GCM1: variants seen among roughly 807,000 people sequenced by gnomAD.
GCM1 encodes chorion-specific transcription factor GCMa.
In GCM1, 2 loss-of-function variants were observed where a neutral mutation model predicts 25.7. That is an observed-to-expected ratio of 0.08 (90% CI 0.03 to 0.24). The LOEUF is 0.24. Among genes scored for constraint, GCM1 ranks in the 10% least tolerant of loss-of-function variants. The probability of loss-of-function intolerance (pLI) is 1.00; values close to 1 mark genes in which losing one functional copy is unlikely to be tolerated. For missense variants in GCM1, 395 were observed against 538.7 expected (o/e 0.73, Z 2.64); for synonymous variants, 183 against 195.7 (o/e 0.94, Z 0.54).
At chr6:53,143,252 A>G (rs760569249) in intron 2 of GCM1, among the ~76,000 whole-genome samples, 2 of 152,178 alleles carry the variant, frequency 1.3e-5, no homozygotes, top group African/African-American at 4.8e-5. Flanking sequence ...ATTTTTTGCT[A>G]TACATTTCTC....
chr6:53,131,081 C>A, intron 4 of GCM1, 150 bp from the exon 5 acceptor site: 1 of 697,038 alleles, frequency 1.4e-6, no homozygotes, highest in Non-Finnish European at 2.4e-6. Context: ...CCTCTGAAGG[C>A]GCTCCCAAGC....
At chr6:53,131,032 G>C in intron 4 of GCM1, 101 bp from the exon 5 acceptor site, 5 of 1,139,068 alleles carry the variant, frequency 4.4e-6, no homozygotes, top group Non-Finnish European at 6.4e-6. Context: ...TGCCCCGGGG[G>C]TGGTGTTGCA....
chr6:53,146,076 G>A (rs928190865), intron 1 of GCM1, among the ~76,000 whole-genome samples: 4 of 151,950 alleles, frequency 2.6e-5, no homozygotes, highest in Non-Finnish European at 5.9e-5. Context: ...GCTAGGGCAG[G>A]AGGATACTGG....
At chr6:53,136,338 C>T (rs1227494059) in intron 2 of GCM1, among the ~76,000 whole-genome samples, 1 of 152,218 alleles carries the variant, frequency 6.6e-6, no homozygotes, top group African/African-American at 2.4e-5. Flanking sequence ...TCTGAGATTG[C>T]TGGCTGTAAG....
At position 53,148,176 on chromosome 6, in the gene GCM1, C is replaced by T. The variant is rs542893336; in HGVS notation, c.-137+578G>A. On this transcript the variant is annotated intron_variant, in intron 1 of 5. Transcript: ENST00000259803. ...ACTCTAATTCAAAGGACTTAAATAACAGGTATAGAAGATGCAGATACCAAG... is the reference window on the plus strand; with the variant it reads ...ACTCTAATTCAAAGGACTTAAATAATAGGTATAGAAGATGCAGATACCAAG... Among the ~76,000 whole-genome samples the T allele has an allele frequency of 1.4e-3, 211 of 152,276 alleles. 1 individual carries two copies. The highest frequency in any genetic ancestry group is 5.0e-3 in the African/African-American group (206 of 41,562).
In GCM1 at chr6:53,128,059, A is replaced by G. The variant is rs1428907847; in HGVS notation, c.*147T>C. ...AAAAAAAAAAAAAAAAAAAAGAAGGAAAAAAGAAAAAGAAAAAAGCCTTGT... is the reference window on the plus strand; with the variant it reads ...AAAAAAAAAAAAAAAAAAAAGAAGGGAAAAAGAAAAAGAAAAAAGCCTTGT... On this transcript the variant is annotated 3_prime_UTR_variant, in exon 6 of 6. Transcript: ENST00000259803. The G allele has an allele frequency of 4.0e-3, 1,545 of 386,450 alleles. 13 individuals carry two copies. The highest frequency in any genetic ancestry group is 0.01 in the Middle Eastern group (13 of 1,294). 23.9% of individuals were successfully genotyped at this position (386,450 alleles called of 1,614,324 possible).
intron 1 of GCM1, among the ~76,000 whole-genome samples, chr6:53,147,879 G>T (rs982821102): frequency 1.1e-4 from 16 of 152,100 alleles, no homozygotes; most frequent in African/African-American, 3.9e-4. Flanking sequence ...GATGTCCAGA[G>T]AAATTTCTCT....
chr6:53,128,130 A>G lies in GCM1; in HGVS notation c.*76T>C. On this transcript the variant is annotated 3_prime_UTR_variant, in exon 6 of 6. Coordinates refer to ENST00000259803, the MANE Select transcript of GCM1 (RefSeq NM_003643.4). ...CATTTATCTGTGGTTATGTTTTAAA[A>G]ATTATTTCCTAAGGAAATTCTTTCA... The G allele has an allele frequency of 8.7e-7, 1 of 1,153,296 alleles. No individual in the cohort carries two copies. Among genetic ancestry groups the G allele is most frequent in the East Asian group, 2.4e-5 (1 of 41,632 alleles). 71.4% of individuals were successfully genotyped at this position (1,153,296 alleles called of 1,614,324 possible). A position where few individuals can be genotyped will look rare whatever the true frequency, so the allele number is the denominator to read the frequency against.
chr6:53,138,855 A>T (rs1022391732), intron 2 of GCM1, among the ~76,000 whole-genome samples: 1 of 152,208 alleles, frequency 6.6e-6, no homozygotes, highest in Non-Finnish European at 1.5e-5. Flanking sequence ...AAATTTTTGT[A>T]GCTCTATGCA....
chr6:53,146,224 T>TAA (rs1562092607), intron 1 of GCM1, among the ~76,000 whole-genome samples: 2 of 87,750 alleles, frequency 2.3e-5, no homozygotes, highest in East Asian at 8.5e-4. Context: ...ATATTTTTTT[T>TAA]TTTTTTTTTT....
rs181872651 is a variant in GCM1 at position 53,132,023 on chromosome 6, C to T, written c.425G>A (p.Arg142His). The T allele has an allele frequency of 1.0e-4, 167 of 1,604,614 alleles. No individual in the cohort carries two copies. In the Admixed American group the frequency reaches 2.3e-3, roughly 22 times the overall value. ...AAATCCAACCTGGAAAAATATAAAG[C>T]GTCCGTCGTGCCTCCAGAAGTTGGT... ...PVTNFWRHDG[R>H]FIFFQSKGEH... is the part of the protein sequence containing the mutation. Residue 142 changes from arginine to histidine, a missense_variant, in exon 4 of 6, where the codon CGC becomes CAC. By Grantham distance (29) the Arg-to-His change is conservative. Around this residue, in one of 5 missense-constraint regions of GCM1, gnomAD observed 32 missense variants for 97.7 expected, o/e 0.33. Coordinates refer to ENST00000259803, the MANE Select transcript of GCM1 (RefSeq NM_003643.4).
At chr6:53,143,366 A>G (rs544941112) in intron 2 of GCM1, among the ~76,000 whole-genome samples, 4 of 152,316 alleles carry the variant, frequency 2.6e-5, no homozygotes, top group African/African-American at 9.6e-5. Flanking sequence ...AGAGGTCTTC[A>G]TCTCTTGTTT....
chr6:53,147,142 C>T (rs949426409), intron 1 of GCM1, among the ~76,000 whole-genome samples: 20 of 151,956 alleles, frequency 1.3e-4, no homozygotes, highest in Admixed American at 2.6e-4. Context: ...TAATTTCTAA[C>T]TATAATTGGT....
intron 5 of GCM1, 25 bp from the exon 6 acceptor site, chr6:53,128,971 T>G (rs1044899354): frequency 6.3e-7 from 1 of 1,595,828 alleles, no homozygotes; most frequent in African/African-American, 1.3e-5. Context: ...GAAATGCTCG[T>G]GTTAATAAGT....
rs1223691364 is a variant in GCM1 at position 53,128,028 on chromosome 6, CAAAAAAAA to C, written c.*170_*177del. 40 of 66,438 alleles carry C rather than the reference CAAAAAAAA, an allele frequency of 6.0e-4. No individual in the cohort carries two copies. Among genetic ancestry groups the C allele is most frequent in the East Asian group, 5.6e-3 (13 of 2,328 alleles). 4.1% of individuals were successfully genotyped at this position (66,438 alleles called of 1,614,324 possible). A position where few individuals can be genotyped will look rare whatever the true frequency, so the allele number is the denominator to read the frequency against. ...TGGGCAAAAGAGCAAGACTCTGTCT[CAAAAAAAA>C]AAAAAAAAAAAAAAAAAGAAGGAAA... is the stretch of plus-strand genomic sequence containing the variant. On this transcript the variant is annotated 3_prime_UTR_variant, in exon 6 of 6. Transcript: ENST00000259803.
intron 4 of GCM1, 104 bp downstream of exon 4, chr6:53,131,903 G>A (rs1353829059): frequency 4.1e-6 from 3 of 738,866 alleles, no homozygotes; most frequent in African/African-American, 3.4e-5. Flanking sequence ...CTTAGAGTGT[G>A]AGCCCTCGGG....
At chr6:53,130,715 C>T (rs1241933143) in intron 5 of GCM1, 88 bp downstream of exon 5, 32 of 1,081,360 alleles carry the variant, frequency 3.0e-5, no homozygotes, top group Admixed American at 7.4e-5. Flanking sequence ...GGCTTTCCTG[C>T]GTCAGCAAGG....
chr6:53,131,927 C>A lies in GCM1; in HGVS notation c.441+80G>T, dbSNP rs1049727403. On this transcript the variant is annotated intron_variant, in intron 4 of 5. Transcript: ENST00000259803. ...TGAGCCCTCGGGGATGGTGCAGGAT[C>A]TCATTCACAGGTGCATTTCTAGCCT... The A allele has an allele frequency of 1.1e-5, 9 of 814,646 alleles. No individual in the cohort carries two copies. In the East Asian group the frequency reaches 2.2e-4, roughly 20 times the overall value. 50.5% of individuals were successfully genotyped at this position (814,646 alleles called of 1,614,324 possible). A position where few individuals can be genotyped will look rare whatever the true frequency, so the allele number is the denominator to read the frequency against.
At chr6:53,144,388 G>A (rs1009300990) in intron 2 of GCM1, among the ~76,000 whole-genome samples, 3 of 148,404 alleles carry the variant, frequency 2.0e-5, no homozygotes, top group African/African-American at 7.5e-5. Flanking sequence ...TGGTATCACT[G>A]CACTCTGGCC....
Sources: gnomAD v4.1 joint callset for allele counts (sites outside exome capture counted in the v4.1 genomes callset) on GRCh38, gnomAD v4.1.1 for gene constraint, gnomAD v4.1.1 regional missense constraint, MANE v1.5 for transcripts, NCBI Gene and HGNC (gene_info 2026-07-23, HGNC 2026-07-21) for gene names.